Variants in ADGRL2 observed in about 807,000 individuals in gnomAD.
ADGRL2 encodes the protein adhesion G protein-coupled receptor L2.
In ADGRL2, 44 loss-of-function variants were observed where a neutral mutation model predicts 157.4. The observed-to-expected ratio is 0.28, with a 90% confidence interval of 0.22 to 0.36. The LOEUF (loss-of-function observed/expected upper bound fraction) is 0.36, where lower values mean the gene tolerates loss of function less well. ADGRL2 is among the 10% of genes least tolerant of loss of function. The pLI is 1.00. For synonymous variants in ADGRL2, 585 were observed against 624.7 expected, an observed-to-expected ratio of 0.94 and a Z score of 0.95; for missense variants, 1,510 against 1,768.9, an observed-to-expected ratio of 0.85 and a Z score of 2.63.
intron 2 of ADGRL2, among the ~76,000 whole-genome samples, chr1:81,767,957 G>A (rs1412166615): frequency 6.6e-6 from 1 of 151,476 alleles, no homozygotes; most frequent in Non-Finnish European, 1.5e-5. Flanking sequence ...CAGTAACAAT[G>A]TTACACTCCT....
chr1:81,902,636 A>T (rs2094507996), intron 2 of ADGRL2, among the ~76,000 whole-genome samples: 2 of 145,640 alleles, frequency 1.4e-5, no homozygotes, highest in Non-Finnish European at 3.0e-5. Flanking sequence ...CAGTTCTGTC[A>T]GTCTTAAGGT....
intron 1 of ADGRL2, among the ~76,000 whole-genome samples, chr1:81,813,540 A>C (rs530540573): frequency 2.4e-4 from 36 of 151,788 alleles, no homozygotes; most frequent in African/African-American, 8.7e-4. Context: ...GTATTATCTT[A>C]ACAAGTGTGT....
At chr1:81,826,868 T>A (rs1417411443) in intron 1 of ADGRL2, among the ~76,000 whole-genome samples, 2 of 152,212 alleles carry the variant, frequency 1.3e-5, no homozygotes, top group Non-Finnish European at 2.9e-5. Context: ...ATTTGTAACC[T>A]TCTCCACTCT....
chr1:81,367,548 C>A (rs1253582539), intron 1 of ADGRL2, among the ~76,000 whole-genome samples: 1 of 152,046 alleles, frequency 6.6e-6, no homozygotes, highest in Admixed American at 6.6e-5. Context: ...AAGAACATGA[C>A]CTTGTTTCTT....
At chr1:81,593,503 G>A (rs1161902619) in intron 3 of ADGRL2, among the ~76,000 whole-genome samples, 1 of 152,188 alleles carries the variant, frequency 6.6e-6, no homozygotes, top group Non-Finnish European at 1.5e-5. Flanking sequence ...AGTGCATAGT[G>A]TACACTGAGT....
Position 81,463,384 on chromosome 1 carries a change from T to A in ADGRL2, c.-248+18295T>A, listed in dbSNP as rs2077981983. 4.6e-5 allele frequency among the ~76,000 whole-genome samples: 7 copies of A among 152,116 alleles called. No individual in the cohort carries two copies. The South Asian group carries it at 1.5e-3, about 32-fold the overall frequency. ...CTCTTCTAGACTGAATGTTTGGTAC[T>A]CAGTCAGCTCTTGGTAAATATAAAT... is the stretch of plus-strand genomic sequence containing the variant. On this transcript the variant is annotated intron_variant, in intron 2 of 24. Coordinates refer to the ADGRL2 transcript ENST00000370721.
intron 1 of ADGRL2, among the ~76,000 whole-genome samples, chr1:81,748,889 A>G (rs2085400991): frequency 6.6e-6 from 1 of 151,928 alleles, no homozygotes; most frequent in African/African-American, 2.4e-5. Flanking sequence ...GCTGATCTTG[A>G]ACTCCTGACC....
chr1:81,950,039 A>G, intron 6 of ADGRL2, 150 bp from the exon 7 acceptor site: 1 of 680,972 alleles, frequency 1.5e-6, no homozygotes. Context: ...TACGAGCGAT[A>G]TTGTCAGTAA....
intron 1 of ADGRL2, among the ~76,000 whole-genome samples, chr1:81,744,647 G>T (rs2085183578): frequency 6.6e-6 from 1 of 152,140 alleles, no homozygotes; most frequent in South Asian, 2.1e-4. Flanking sequence ...GCTGAAGATT[G>T]TCTCTCCTGG....
At chr1:81,988,848 G>A (rs368100976) in intron 23 of ADGRL2, among the ~76,000 whole-genome samples, 5 of 151,920 alleles carry the variant, frequency 3.3e-5, no homozygotes, top group African/African-American at 1.2e-4. Flanking sequence ...GGGAAATTTC[G>A]TATTTTTTTC....
At chr1:81,857,808 T>A (rs2093254812) in intron 2 of ADGRL2, among the ~76,000 whole-genome samples, 1 of 152,176 alleles carries the variant, frequency 6.6e-6, no homozygotes, top group South Asian at 2.1e-4. Context: ...AAAAATCCAT[T>A]TTTTGGCATT....
At chr1:81,758,697 T>G (rs1383738712) in intron 1 of ADGRL2, among the ~76,000 whole-genome samples, 1 of 152,142 alleles carries the variant, frequency 6.6e-6, no homozygotes, top group Admixed American at 6.6e-5. Context: ...AAATAAAGAG[T>G]TCATATGCTA....
chr1:81,331,798 T>C (rs945465946), intron 1 of ADGRL2, among the ~76,000 whole-genome samples: 2 of 152,290 alleles, frequency 1.3e-5, no homozygotes, highest in African/African-American at 2.4e-5. Context: ...TTAGTATGCA[T>C]TATGATGTAA....
At chr1:81,712,456 G>T (rs1570924000) in intron 1 of ADGRL2, among the ~76,000 whole-genome samples, 1 of 152,106 alleles carries the variant, frequency 6.6e-6, no homozygotes, top group Non-Finnish European at 1.5e-5. Context: ...ATATGACTTG[G>T]TGACCTTACA....
chr1:81,511,398 G>A (rs866698229), intron 2 of ADGRL2, among the ~76,000 whole-genome samples: 21 of 101,812 alleles, frequency 2.1e-4, no homozygotes, highest in African/African-American at 8.1e-4. Context: ...AAAAAAAAGC[G>A]CGCACACACA....
chr1:81,487,348 T>G (rs2078530269), intron 2 of ADGRL2, among the ~76,000 whole-genome samples: 1 of 151,854 alleles, frequency 6.6e-6, no homozygotes, highest in Non-Finnish European at 1.5e-5. Flanking sequence ...TAAACCCATT[T>G]AAAGATATAT....
At chr1:81,550,054 G>A (rs2080108683) in intron 2 of ADGRL2, among the ~76,000 whole-genome samples, 1 of 152,190 alleles carries the variant, frequency 6.6e-6, no homozygotes, top group Admixed American at 6.5e-5. Flanking sequence ...AATCCAAGGA[G>A]AAAATGTTTG....
At chr1:81,400,862 G>A (rs778097453) in intron 1 of ADGRL2, among the ~76,000 whole-genome samples, 2 of 152,112 alleles carry the variant, frequency 1.3e-5, no homozygotes, top group Non-Finnish European at 2.9e-5. Context: ...GGCCTTTAGG[G>A]TGTGATGTCT....
rs190634023 is a variant in ADGRL2 at position 81,967,401 on chromosome 1, A to G, written c.2350-625A>G. Among the ~76,000 whole-genome samples, 2 of 151,974 alleles carry G rather than the reference A, an allele frequency of 1.3e-5. 1 individual carries two copies. The highest frequency in any genetic ancestry group is 1.3e-4 in the Admixed American group (2 of 15,252). The stretch of plus-strand genomic sequence containing the variant: ...CTCAGCCTCCCGAGTAGCTGGGACT[A>G]CAGGCGTCCTCCACCACGCCTGGCT... On this transcript the variant is annotated intron_variant, in intron 13 of 23. Transcript: ENST00000686636.
Sources: gnomAD v4.1 joint callset for allele counts (sites outside exome capture counted in the v4.1 genomes callset) on GRCh38, gnomAD v4.1.1 for gene constraint, MANE v1.5 for transcripts, NCBI Gene and HGNC (gene_info 2026-07-23, HGNC 2026-07-21) for gene names.